Variants in SMIM10L3 observed in about 807,000 individuals in gnomAD.
SMIM10L3 encodes small integral membrane protein 10 like 3, also known as salivary gland specific protein SAGSIN1.
At chr7:6,334,920 C>G in the SMIM10L3 span, among the ~76,000 whole-genome samples, 1 of 151,676 alleles carries the variant, frequency 6.6e-6, no homozygotes, top group Non-Finnish European at 1.5e-5. Flanking sequence ...AGGCATGTGC[C>G]ACCACGCCTG....
the SMIM10L3 span, among the ~76,000 whole-genome samples, chr7:6,347,111 G>C: frequency 2.0e-5 from 3 of 152,172 alleles, no homozygotes; most frequent in Non-Finnish European, 2.9e-5. Context: ...AGGATCACTT[G>C]AGGCCAGAAG....
the SMIM10L3 span, among the ~76,000 whole-genome samples, chr7:6,339,129 A>G: frequency 6.6e-6 from 1 of 152,180 alleles, no homozygotes. Flanking sequence ...CAAGGAACAC[A>G]CTAACATCAC....
the SMIM10L3 span, chr7:6,331,328 G>A: frequency 3.0e-6 from 2 of 660,384 alleles, no homozygotes; most frequent in South Asian, 2.0e-5. Flanking sequence ...CAAACACTGA[G>A]ATCTTTATGA....
At chr7:6,331,006 G>T in the SMIM10L3 span, 2 of 1,614,192 alleles carry the variant, frequency 1.2e-6, no homozygotes, top group East Asian at 2.2e-5. Context: ...ATCAACCACA[G>T]GCTTATTCAT....
chr7:6,344,394 C>T, the SMIM10L3 span, among the ~76,000 whole-genome samples: 1 of 152,170 alleles, frequency 6.6e-6, no homozygotes, highest in African/African-American at 2.4e-5. Context: ...GCTTGTTGCA[C>T]TTGGTCAAGC....
the SMIM10L3 span, chr7:6,329,411 T>A: frequency 6.6e-6 from 1 of 152,324 alleles, no homozygotes; most frequent in Non-Finnish European, 1.5e-5. Flanking sequence ...ACCACACATA[T>A]AAAATAAGAC....
the SMIM10L3 span, among the ~76,000 whole-genome samples, chr7:6,332,673 C>T: frequency 6.6e-6 from 1 of 151,742 alleles, no homozygotes; most frequent in Non-Finnish European, 1.5e-5. Flanking sequence ...GCCCTCTGAC[C>T]TGGGCAATGG....
the SMIM10L3 span, among the ~76,000 whole-genome samples, chr7:6,336,601 T>C: frequency 6.6e-6 from 1 of 151,684 alleles, no homozygotes; most frequent in Non-Finnish European, 1.5e-5. Flanking sequence ...CGAGAATCAC[T>C]TGAGCCCAGG....
chr7:6,333,535 G>A, the SMIM10L3 span, among the ~76,000 whole-genome samples: 5 of 152,074 alleles, frequency 3.3e-5, no homozygotes, highest in Admixed American at 6.6e-5. Context: ...GTCTCACTCT[G>A]CCTCCCAGGC....
the SMIM10L3 span, among the ~76,000 whole-genome samples, chr7:6,337,559 G>A: frequency 2.0e-5 from 3 of 151,614 alleles, no homozygotes; most frequent in Admixed American, 2.0e-4. Context: ...CTAGAATTGT[G>A]TTAAAGTACT....
At chr7:6,331,329 A>C in the SMIM10L3 span, 13 of 661,642 alleles carry the variant, frequency 2.0e-5, no homozygotes, top group Non-Finnish European at 1.0e-5. Flanking sequence ...AAACACTGAG[A>C]TCTTTATGAC....
the SMIM10L3 span, among the ~76,000 whole-genome samples, chr7:6,346,529 G>C: frequency 6.6e-6 from 1 of 151,918 alleles, no homozygotes; most frequent in Non-Finnish European, 1.5e-5. Context: ...ACCACTGCCC[G>C]GCCACCACGC....
chr7:6,345,008 T>C, the SMIM10L3 span, among the ~76,000 whole-genome samples: 1 of 152,156 alleles, frequency 6.6e-6, no homozygotes, highest in Non-Finnish European at 1.5e-5. Context: ...CTCAAAGTGC[T>C]GGGATTTACA....
the SMIM10L3 span, among the ~76,000 whole-genome samples, chr7:6,343,049 G>A: frequency 9.5e-5 from 7 of 73,426 alleles, no homozygotes; most frequent in South Asian, 8.9e-4. Context: ...AAAAAAAAAA[G>A]AAAAAAGAAA....
At chr7:6,334,068 T>G in the SMIM10L3 span, among the ~76,000 whole-genome samples, 2 of 151,120 alleles carry the variant, frequency 1.3e-5, no homozygotes, top group South Asian at 2.1e-4. Context: ...GGATGGAATC[T>G]ATCTCCTGAC....
chr7:6,334,701 G>C, the SMIM10L3 span, among the ~76,000 whole-genome samples: 1 of 151,998 alleles, frequency 6.6e-6, no homozygotes, highest in African/African-American at 2.4e-5. Flanking sequence ...CCTGAGCTCA[G>C]GCAGTCCACC....
the SMIM10L3 span, among the ~76,000 whole-genome samples, chr7:6,345,779 A>AT: frequency 6.6e-6 from 1 of 151,104 alleles, no homozygotes; most frequent in South Asian, 2.1e-4. Flanking sequence ...TATTATTATT[A>AT]TTTTTTTGAG....
chr7:6,336,523 A>G, the SMIM10L3 span, among the ~76,000 whole-genome samples: 1 of 152,032 alleles, frequency 6.6e-6, no homozygotes, highest in South Asian at 2.1e-4. Context: ...TCTACTAAAA[A>G]TACAAAAATT....
At chr7:6,336,729 C>G in the SMIM10L3 span, among the ~76,000 whole-genome samples, 1 of 151,498 alleles carries the variant, frequency 6.6e-6, no homozygotes, top group Non-Finnish European at 1.5e-5. Context: ...TCACGGCTCA[C>G]TGCAGCCTCG....
Sources: gnomAD v4.1 joint callset for allele counts (sites outside exome capture counted in the v4.1 genomes callset) on GRCh38, gnomAD v4.1.1 for gene constraint, MANE v1.5 for transcripts, NCBI Gene and HGNC (gene_info 2026-07-23, HGNC 2026-07-21) for gene names.